Variants in EPG5 observed in about 807,000 individuals in gnomAD.
EPG5 encodes ectopic P granules protein 5 homolog.
Under a neutral mutation model 302.7 loss-of-function variants are expected in EPG5, and 159 were observed. That is an observed-to-expected ratio of 0.53 (90% CI 0.46 to 0.60). The LOEUF (loss-of-function observed/expected upper bound fraction) is 0.60, where lower values mean the gene tolerates loss of function less well. EPG5 is among the 20% of genes least tolerant of loss of function. EPG5 has a pLI of 0.00. For missense variants in EPG5, 2,896 were observed against 3,092.4 expected (o/e 0.94, Z 1.51); for synonymous variants, 1,158 against 1,136.8 (o/e 1.02, Z -0.37).
At chr18:45,918,567 A>T (rs1463702997) in intron 16 of EPG5, among the ~76,000 whole-genome samples, 1 of 152,220 alleles carries the variant, frequency 6.6e-6, no homozygotes, top group Admixed American at 6.5e-5. Context: ...AATACGGAAA[A>T]AAATATAAAA....
intron 27 of EPG5, among the ~76,000 whole-genome samples, chr18:45,895,400 C>T (rs191219500): frequency 8.5e-5 from 13 of 152,146 alleles, no homozygotes; most frequent in Non-Finnish European, 1.5e-4. Flanking sequence ...CTCTTTTGTT[C>T]GTTTTGAACT....
At chr18:45,875,980 C>G (rs2048961251) in intron 35 of EPG5, among the ~76,000 whole-genome samples, 1 of 151,432 alleles carries the variant, frequency 6.6e-6, no homozygotes, top group African/African-American at 2.4e-5. Flanking sequence ...TTGCTTGAAT[C>G]TGGGAGGCAG....
chr18:45,880,032 A>G, intron 32 of EPG5, 43 bp downstream of exon 32: 1 of 1,496,952 alleles, frequency 6.7e-7, no homozygotes, highest in Non-Finnish European at 9.0e-7. Context: ...CAAGGGAAAT[A>G]AAAAGAAATG....
chr18:45,832,398 C>G, the EPG5 span, among the ~76,000 whole-genome samples: 2 of 126,818 alleles, frequency 1.6e-5, no homozygotes, highest in Non-Finnish European at 3.3e-5. Context: ...CTAGGACGTG[C>G]CAGGCACAGA....
At chr18:45,952,270 G>A in intron 3 of EPG5, 130 bp downstream of exon 3, 3 of 1,066,122 alleles carry the variant, frequency 2.8e-6, no homozygotes, top group Non-Finnish European at 2.7e-6. Flanking sequence ...AGTGGGGGAG[G>A]CCTGGTAAAA....
intron 14 of EPG5, among the ~76,000 whole-genome samples, chr18:45,923,845 A>G (rs2050209715): frequency 6.6e-6 from 1 of 152,188 alleles, no homozygotes; most frequent in South Asian, 2.1e-4. Flanking sequence ...CCTGGCCAAC[A>G]TGGTGAAACC....
chr18:45,904,002 A>G lies in EPG5; in HGVS notation c.4445T>C (p.Val1482Ala). The change falls in exon 25 of 44, where the codon GTG (valine) becomes GCG (alanine). Residue 1482 changes from valine (V) to alanine (A), a missense_variant. This residue lies in a region of EPG5 where 790 missense variants were observed against 798.0 expected (regional missense o/e 0.99). Coordinates refer to ENST00000282041, the MANE Select transcript of EPG5 (RefSeq NM_020964.3). ...CAAAGGATCAGTGAAGTCCAGCTGC[A>G]CGGACAAACTGCAGGGTGTGGAATG... Reference protein sequence around the residue: ...ESHSTPCSLSVQLDFTDPLLA... With the variant: ...ESHSTPCSLSAQLDFTDPLLA... 6.2e-7 allele frequency: 1 copy of G among 1,612,380 alleles called. No homozygotes were observed.
intron 42 of EPG5, among the ~76,000 whole-genome samples, chr18:45,857,103 A>G (rs1014335266): frequency 3.7e-5 from 4 of 108,088 alleles, no homozygotes; most frequent in Admixed American, 1.4e-4. Flanking sequence ...ATTTGTGTTT[A>G]TTTATTTATT....
chr18:45,925,911 A>AT lies in EPG5; in HGVS notation c.2554-10_2554-9insA. 7.4e-7 allele frequency: 1 copy of AT among 1,359,544 alleles called. No homozygotes were observed. Among genetic ancestry groups the AT allele is most frequent in the Non-Finnish European group, 9.6e-7 (1 of 1,038,820 alleles). The allele number at this position is 1,359,544 out of a possible 1,614,324, so 84.2% of individuals were successfully genotyped here. A position where few individuals can be genotyped will look rare whatever the true frequency, so the allele number is the denominator to read the frequency against. Reference sequence around the variant, plus strand: ...AACAAGTATAGAGAAACCTTATTAAAAAGAAAACAATAATCATTAAATAAA... The same window carrying AT: ...AACAAGTATAGAGAAACCTTATTAAATAAGAAAACAATAATCATTAAATAAA... On this transcript the variant is annotated splice_polypyrimidine_tract_variant and intron_variant, in intron 13 of 43. Transcript: ENST00000282041.
At chr18:45,860,454 C>A in intron 39 of EPG5, 108 bp from the exon 40 acceptor site, 1 of 1,414,508 alleles carries the variant, frequency 7.1e-7, no homozygotes, top group Non-Finnish European at 9.8e-7. Flanking sequence ...GCAGATTTTA[C>A]AGTGCTAGTA....
At chr18:45,932,674 A>G (rs1476547540) in intron 11 of EPG5, among the ~76,000 whole-genome samples, 1 of 152,252 alleles carries the variant, frequency 6.6e-6, no homozygotes, top group Non-Finnish European at 1.5e-5. Flanking sequence ...AGAAGATGAA[A>G]AAACAGCAAA....
chr18:45,962,082 C>T (rs980116972), intron 1 of EPG5, among the ~76,000 whole-genome samples: 2 of 152,110 alleles, frequency 1.3e-5, no homozygotes, highest in Non-Finnish European at 2.9e-5. Flanking sequence ...TTCTCTTTTA[C>T]ATCCCAAGTG....
intron 35 of EPG5, among the ~76,000 whole-genome samples, chr18:45,875,976 G>A (rs895768684): frequency 6.6e-6 from 1 of 151,520 alleles, no homozygotes; most frequent in Non-Finnish European, 1.5e-5. Context: ...AGAATTGCTT[G>A]AATCTGGGAG....
At position 45,898,732 on chromosome 18, in the gene EPG5, C is replaced by T. The variant is rs1675130057; in HGVS notation, c.4809+672G>A. Among the ~76,000 whole-genome samples the T allele has an allele frequency of 2.6e-5, 4 of 152,222 alleles. No individual in the cohort carries two copies. The South Asian group carries it at 8.3e-4, about 31-fold the overall frequency. ...CCAATGTGAATTCCCACCAACACCCCCAAAACACTTGGAACGGGCTGACCT... is the reference window on the plus strand; with the variant it reads ...CCAATGTGAATTCCCACCAACACCCTCAAAACACTTGGAACGGGCTGACCT... On this transcript the variant is annotated intron_variant, in intron 27 of 43. Transcript: ENST00000282041.
chr18:45,865,109 T>C (rs1218618543), intron 39 of EPG5, among the ~76,000 whole-genome samples: 1 of 152,206 alleles, frequency 6.6e-6, no homozygotes, highest in East Asian at 1.9e-4. Context: ...GTTTCTCCTT[T>C]CACTTAGGTT....
the EPG5 span, among the ~76,000 whole-genome samples, chr18:45,835,884 G>A: frequency 6.6e-6 from 1 of 152,186 alleles, no homozygotes; most frequent in Non-Finnish European, 1.5e-5. Context: ...GGAAGGCCAG[G>A]AAAGGGACTG....
the EPG5 span, chr18:45,837,516 C>A: frequency 6.7e-7 from 1 of 1,495,112 alleles, no homozygotes; most frequent in Non-Finnish European, 8.8e-7. Flanking sequence ...CCCTCAGGCT[C>A]GCCAGCGCAG....
Position 45,867,569 on chromosome 18 carries a change from G to A in EPG5, c.6405C>T (p.Asp2135=), listed in dbSNP as rs529733045. 5 of 1,613,624 alleles carry A rather than the reference G, an allele frequency of 3.1e-6. No homozygotes were observed. The African/African-American group carries it at 4.0e-5, about 13-fold the overall frequency. ...ATAAGCTTCCCAAACTTACTGTTTG[G>A]TCTACCAGTTGAACTTCCTTTGCCA... ...ILLAKEVQLV[D]QTDSPLLSLL... The change falls in exon 37 of 44, where the codon GAC becomes GAT. Residue 2135 remains aspartate (D), a synonymous_variant. Coordinates refer to ENST00000282041, the MANE Select transcript of EPG5 (RefSeq NM_020964.3).
In EPG5 at chr18:45,852,417, T is replaced by C; in HGVS notation, c.*50A>G. The C allele has an allele frequency of 6.4e-7, 1 of 1,552,062 alleles. No homozygotes were observed. The highest frequency in any genetic ancestry group is 2.2e-5 in the East Asian group (1 of 44,474). ...CAAAGTTACTTGTGCAACAGCAAAGTTAAATGTAAACATAAACAGCAATGG... is the reference window on the plus strand; with the variant it reads ...CAAAGTTACTTGTGCAACAGCAAAGCTAAATGTAAACATAAACAGCAATGG... On this transcript the variant is annotated 3_prime_UTR_variant, in exon 44 of 44. Transcript: ENST00000282041.
Sources: allele counts gnomAD v4.1 joint callset (sites outside exome capture counted in the v4.1 genomes callset), GRCh38; gene constraint gnomAD v4.1.1; regional missense constraint gnomAD v4.1.1; transcripts MANE v1.5; gene names NCBI Gene and HGNC (gene_info 2026-07-23, HGNC 2026-07-21).